The following SPAG17 variants were observed in gnomAD, a reference collection of about 807,000 sequenced individuals.
SPAG17 encodes the protein sperm associated antigen 17, also known as sperm-associated antigen 17.
Under a neutral mutation model 273.6 loss-of-function variants are expected in SPAG17, and 169 were observed. That is an observed-to-expected ratio of 0.62 (90% CI 0.55 to 0.70). SPAG17 has a LOEUF of 0.70. SPAG17 is among the 30% of genes least tolerant of loss of function. The pLI is 0.00. For missense variants in SPAG17, 2,557 were observed against 2,627.8 expected (o/e 0.97, Z 0.59); for synonymous variants, 825 against 873.2 (o/e 0.94, Z 0.97).
chr1:118,040,939 C>T (rs1052675355), intron 21 of SPAG17, 98 bp from the exon 22 acceptor site: 3 of 763,766 alleles, frequency 3.9e-6, no homozygotes, highest in Non-Finnish European at 7.0e-6. Flanking sequence ...AGCTTAATTT[C>T]TGCTAAGTGA....
intron 48 of SPAG17, among the ~76,000 whole-genome samples, chr1:117,958,299 G>T (rs1652514982): frequency 1.3e-5 from 2 of 152,106 alleles, no homozygotes; most frequent in Non-Finnish European, 2.9e-5. Context: ...CATAATTTGG[G>T]GCAACTTGTA....
chr1:118,146,122 T>C (rs188861051), intron 3 of SPAG17, among the ~76,000 whole-genome samples: 2 of 152,316 alleles, frequency 1.3e-5, no homozygotes, highest in East Asian at 3.9e-4. Context: ...TATCAACTAG[T>C]AGCTTTTTCT....
chr1:118,108,760 G>A (rs1656570204), intron 4 of SPAG17, among the ~76,000 whole-genome samples: 1 of 151,482 alleles, frequency 6.6e-6, no homozygotes, highest in Non-Finnish European at 1.5e-5. Context: ...CTCCTACTGT[G>A]AGACGGCTTT....
At chr1:117,982,056 G>A (rs985157963) in intron 42 of SPAG17, among the ~76,000 whole-genome samples, 4 of 151,992 alleles carry the variant, frequency 2.6e-5, no homozygotes, top group African/African-American at 7.3e-5. Flanking sequence ...GGTCTGAGAC[G>A]CAACCTAATA....
intron 3 of SPAG17, among the ~76,000 whole-genome samples, chr1:118,132,157 A>G (rs1425657651): frequency 6.6e-6 from 1 of 152,184 alleles, no homozygotes; most frequent in Non-Finnish European, 1.5e-5. Flanking sequence ...TGGGAGAGTC[A>G]GCAAAGGCTC....
chr1:117,972,647 A>G (rs1431802586), intron 44 of SPAG17, among the ~76,000 whole-genome samples: 6 of 152,204 alleles, frequency 3.9e-5, no homozygotes, highest in African/African-American at 1.4e-4. Flanking sequence ...CTGTATTTTA[A>G]CAAGATCCCG....
chr1:118,062,285 C>T lies in SPAG17; in HGVS notation c.2540+4460G>A, dbSNP rs535261557. Among the ~76,000 whole-genome samples the T allele has an allele frequency of 3.4e-3, 468 of 138,340 alleles. 3 individuals are homozygous for T. Among genetic ancestry groups the T allele is most frequent in the Non-Finnish European group, 4.0e-3 (259 of 65,494 alleles). The allele number at this position is 138,340 out of a possible 152,430, so 90.8% of individuals were successfully genotyped here. ...GGGAGGCTGAGGCAGGAGAATGGCACGAACCCGGGAGGCGGAGCTTGCAGT... is the reference window on the plus strand; with the variant it reads ...GGGAGGCTGAGGCAGGAGAATGGCATGAACCCGGGAGGCGGAGCTTGCAGT... On this transcript the variant is annotated intron_variant, in intron 18 of 48. Coordinates refer to ENST00000336338, the MANE Select transcript of SPAG17 (RefSeq NM_206996.4).
intron 20 of SPAG17, among the ~76,000 whole-genome samples, chr1:118,044,257 C>T (rs190650445): frequency 7.2e-5 from 11 of 152,026 alleles, no homozygotes; most frequent in South Asian, 4.1e-4. Flanking sequence ...GAGGCCAAGG[C>T]GGGTGGATCA....
At chr1:118,148,912 G>T (rs1659218564) in intron 3 of SPAG17, among the ~76,000 whole-genome samples, 1 of 152,148 alleles carries the variant, frequency 6.6e-6, no homozygotes, top group South Asian at 2.1e-4. Flanking sequence ...AAATGTGAAG[G>T]GACTGAGATG....
At chr1:118,042,113 T>C (rs1329918837) in intron 20 of SPAG17, 71 bp from the exon 21 acceptor site, 42 of 1,526,160 alleles carry the variant, frequency 2.8e-5, no homozygotes, top group South Asian at 3.8e-5. Flanking sequence ...CAGGTTCATT[T>C]TGAAGAATAT....
intron 42 of SPAG17, among the ~76,000 whole-genome samples, chr1:117,983,039 C>T (rs1656009265): frequency 6.6e-6 from 1 of 152,084 alleles, no homozygotes; most frequent in South Asian, 2.1e-4. Flanking sequence ...AAAGACATAT[C>T]CAAGACTGGG....
intron 45 of SPAG17, 133 bp from the exon 46 acceptor site, chr1:117,970,249 A>G: frequency 1.4e-6 from 1 of 728,548 alleles, no homozygotes; most frequent in Non-Finnish European, 2.2e-6. Flanking sequence ...ACCATTAGAA[A>G]AACAACTTTA....
chr1:118,092,395 G>A (rs967091042), intron 8 of SPAG17, among the ~76,000 whole-genome samples: 5 of 152,176 alleles, frequency 3.3e-5, no homozygotes, highest in Admixed American at 3.3e-4. Context: ...CACCAAAGGA[G>A]ATTCATGACC....
chr1:118,155,340 C>CAT (rs996417110), intron 1 of SPAG17, among the ~76,000 whole-genome samples: 5 of 152,134 alleles, frequency 3.3e-5, no homozygotes, highest in African/African-American at 1.2e-4. Context: ...GTTTTTCTTT[C>CAT]ATATATTGCA....
intron 17 of SPAG17, among the ~76,000 whole-genome samples, chr1:118,067,423 TAAG>T (rs931209500): frequency 5.9e-5 from 9 of 152,152 alleles, no homozygotes; most frequent in African/African-American, 1.9e-4. Flanking sequence ...AGTGCCGTTA[TAAG>T]AAGAGGCAGC....
chr1:118,151,507 T>G (rs1659381225), intron 1 of SPAG17, 138 bp from the exon 2 acceptor site: 2 of 858,948 alleles, frequency 2.3e-6, no homozygotes, highest in Non-Finnish European at 3.2e-6. Flanking sequence ...ATGTATGTGG[T>G]TTTCTGATTG....
At chr1:117,964,947 C>G (rs565329980) in intron 47 of SPAG17, 2 of 152,224 alleles carry the variant, frequency 1.3e-5, no homozygotes, top group East Asian at 3.9e-4. Context: ...TCAATCACTT[C>G]TACTCATTCA....
chr1:118,096,751 A>T (rs74113551), intron 7 of SPAG17, among the ~76,000 whole-genome samples: 49 of 152,296 alleles, frequency 3.2e-4, no homozygotes, highest in African/African-American at 1.1e-3. Flanking sequence ...AGTATGTTTC[A>T]CATAACTGAG....
Position 117,972,303 on chromosome 1 carries a change from T to C in SPAG17, c.6142-256A>G, listed in dbSNP as rs1017347905. Among the ~76,000 whole-genome samples the C allele has an allele frequency of 1.5e-4, 23 of 152,254 alleles. 1 individual carries two copies. The highest frequency in any genetic ancestry group is 1.5e-3 in the Admixed American group (23 of 15,292). ...TAAGTGGCATAGCAAAGATTCAGACTCAAGTTTGCCTGATTCTAGAGTCTG... is the reference window on the plus strand; with the variant it reads ...TAAGTGGCATAGCAAAGATTCAGACCCAAGTTTGCCTGATTCTAGAGTCTG... On this transcript the variant is annotated intron_variant, in intron 44 of 48. Coordinates refer to ENST00000336338, the MANE Select transcript of SPAG17 (RefSeq NM_206996.4).
Sources: allele counts gnomAD v4.1 joint callset (sites outside exome capture counted in the v4.1 genomes callset), GRCh38; gene constraint gnomAD v4.1.1; transcripts MANE v1.5; gene names NCBI Gene and HGNC (gene_info 2026-07-23, HGNC 2026-07-21).